UNC13C: variants seen among roughly 807,000 people sequenced by gnomAD.
UNC13C encodes the protein unc-13 homolog C.
Under a neutral mutation model 245.4 loss-of-function variants are expected in UNC13C, and 174 were observed. The observed-to-expected ratio is 0.71, with a 90% confidence interval of 0.63 to 0.80. UNC13C has a LOEUF of 0.80. Ranked by LOEUF, UNC13C falls within the 30% of genes least tolerant of loss-of-function variation. The pLI is 0.00. For missense variants in UNC13C, 2,829 were observed against 2,602.9 expected, an observed-to-expected ratio of 1.09 and a Z score of -1.89; for synonymous variants, 992 against 895.1, an observed-to-expected ratio of 1.11 and a Z score of -1.93.
chr15:54,478,154 T>C (rs1892882699), intron 19 of UNC13C, among the ~76,000 whole-genome samples: 1 of 151,358 alleles, frequency 6.6e-6, no homozygotes, highest in Non-Finnish European at 1.5e-5. Context: ...TTGGTGGTGA[T>C]ATCCCCTTTA....
intron 17 of UNC13C, among the ~76,000 whole-genome samples, chr15:54,362,851 T>C (rs1051287945): frequency 3.3e-5 from 5 of 152,018 alleles, no homozygotes; most frequent in Non-Finnish European, 7.4e-5. Flanking sequence ...ACATAATCCA[T>C]TGGGGATAGA....
At chr15:54,408,388 GT>G (rs962993889) in intron 18 of UNC13C, among the ~76,000 whole-genome samples, 1 of 151,610 alleles carries the variant, frequency 6.6e-6, no homozygotes, top group African/African-American at 2.4e-5. Flanking sequence ...ATTGAATATT[GT>G]TTTTTCTTTA....
intron 2 of UNC13C, among the ~76,000 whole-genome samples, chr15:54,094,100 A>G (rs867937523): frequency 6.6e-6 from 1 of 152,276 alleles, no homozygotes; most frequent in South Asian, 2.1e-4. Flanking sequence ...GCAGCAATGC[A>G]AAGGCAGACC....
At chr15:54,341,321 C>T (rs1217767224) in intron 17 of UNC13C, among the ~76,000 whole-genome samples, 3 of 151,988 alleles carry the variant, frequency 2.0e-5, no homozygotes, top group South Asian at 2.1e-4. Context: ...TGGATGTGTC[C>T]GGAGGTCATT....
At chr15:54,428,816 T>C (rs1000591934) in intron 19 of UNC13C, among the ~76,000 whole-genome samples, 4 of 151,592 alleles carry the variant, frequency 2.6e-5, no homozygotes, top group Non-Finnish European at 5.9e-5. Flanking sequence ...TCCCCAAATA[T>C]TGATAGATTG....
At chr15:54,212,855 G>A in intron 4 of UNC13C, among the ~76,000 whole-genome samples, 1 of 151,994 alleles carries the variant, frequency 6.6e-6, no homozygotes, top group East Asian at 1.9e-4. Flanking sequence ...TCCAGCAACT[G>A]TACACCTGAA....
chr15:54,128,437 G>A (rs1438192149), intron 2 of UNC13C, among the ~76,000 whole-genome samples: 1 of 152,018 alleles, frequency 6.6e-6, no homozygotes, highest in Non-Finnish European at 1.5e-5. Context: ...TTTTGTTTTA[G>A]CGGCATTGGA....
chr15:54,479,896 T>C (rs945076797), intron 19 of UNC13C, among the ~76,000 whole-genome samples: 31 of 152,192 alleles, frequency 2.0e-4, no homozygotes, highest in Admixed American at 5.9e-4. Context: ...TACTTGCCTT[T>C]CAGATTCGAA....
chr15:53,896,805 A>T, the UNC13C span, among the ~76,000 whole-genome samples: 1 of 152,150 alleles, frequency 6.6e-6, no homozygotes, highest in South Asian at 2.1e-4. Context: ...TATGTCTGGC[A>T]TCATCTTCCA....
At chr15:53,866,476 C>G in the UNC13C span, among the ~76,000 whole-genome samples, 1 of 152,032 alleles carries the variant, frequency 6.6e-6, no homozygotes, top group African/African-American at 2.4e-5. Flanking sequence ...AAATGAATAC[C>G]AACTATACAT....
chr15:54,605,890 T>C (rs1899741985), intron 30 of UNC13C, among the ~76,000 whole-genome samples: 2 of 152,230 alleles, frequency 1.3e-5, no homozygotes, highest in Admixed American at 1.3e-4. Context: ...TACTTGCAAC[T>C]ATGGATGACA....
intron 2 of UNC13C, among the ~76,000 whole-genome samples, chr15:54,106,734 A>G (rs1900466731): frequency 6.6e-6 from 1 of 152,218 alleles, no homozygotes; most frequent in African/African-American, 2.4e-5. Flanking sequence ...ATAGATACCT[A>G]CTATATGACT....
intron 13 of UNC13C, among the ~76,000 whole-genome samples, chr15:54,320,011 T>G (rs2038108716): frequency 6.6e-6 from 1 of 152,020 alleles, no homozygotes; most frequent in Non-Finnish European, 1.5e-5. Flanking sequence ...GTTCTCACTA[T>G]TCATCTGTTT....
At chr15:54,517,369 C>T (rs1182593760) in intron 24 of UNC13C, among the ~76,000 whole-genome samples, 1 of 152,092 alleles carries the variant, frequency 6.6e-6, no homozygotes, top group Admixed American at 6.6e-5. Context: ...TTAGAATATC[C>T]ATTGTTGCCT....
intron 17 of UNC13C, among the ~76,000 whole-genome samples, chr15:54,369,084 A>T (rs1176315083): frequency 6.6e-6 from 1 of 152,124 alleles, no homozygotes; most frequent in Non-Finnish European, 1.5e-5. Flanking sequence ...ATGAAAGGAA[A>T]AAATACATTT....
At chr15:53,919,293 G>A in the UNC13C span, among the ~76,000 whole-genome samples, 1 of 152,136 alleles carries the variant, frequency 6.6e-6, no homozygotes, top group African/African-American at 2.4e-5. Context: ...ATGAAATATT[G>A]GTATGCTCAG....
chr15:54,292,469 G>C (rs886449247), intron 10 of UNC13C, among the ~76,000 whole-genome samples: 6 of 151,828 alleles, frequency 4.0e-5, no homozygotes, highest in Admixed American at 1.3e-4. Flanking sequence ...TAGAAACAGT[G>C]GTGCTACAAT....
At chr15:53,983,198 A>G (rs979027009) in intron 1 of UNC13C, among the ~76,000 whole-genome samples, 1 of 152,152 alleles carries the variant, frequency 6.6e-6, no homozygotes, top group African/African-American at 2.4e-5. Flanking sequence ...CTTAGCTGCT[A>G]ACTTTTTAAG....
intron 18 of UNC13C, among the ~76,000 whole-genome samples, chr15:54,411,171 G>T (rs2040409254): frequency 6.6e-6 from 1 of 151,832 alleles, no homozygotes; most frequent in South Asian, 2.1e-4. Flanking sequence ...CAAATCATTT[G>T]CCCATTTTTA....
Sources: allele counts gnomAD v4.1 joint callset (sites outside exome capture counted in the v4.1 genomes callset), GRCh38; gene constraint gnomAD v4.1.1; transcripts MANE v1.5; gene names NCBI Gene and HGNC (gene_info 2026-07-23, HGNC 2026-07-21).